The following RANBP2 variants were observed in gnomAD, a reference collection of about 807,000 sequenced individuals.
RANBP2 encodes RAN binding protein 2, also known as E3 SUMO-protein ligase RanBP2.
A neutral mutation model predicts 303.6 loss-of-function variants in RANBP2; 57 were observed. The observed-to-expected ratio is 0.19, with a 90% CI of 0.15 to 0.23. The LOEUF (loss-of-function observed/expected upper bound fraction) is 0.23. Ranked by LOEUF, RANBP2 falls within the 10% of genes least tolerant of loss-of-function variation. The probability of loss-of-function intolerance (pLI) is 1.00; values close to 1 mark genes in which losing one functional copy is unlikely to be tolerated. For synonymous variants in RANBP2, 1,167 were observed against 1,301.5 expected (o/e 0.90, Z 2.23); for missense variants, 3,138 against 3,780.8 (o/e 0.83, Z 4.46).
chr2:109,616,831 GAA>G, the RANBP2 span: 1 of 166,994 alleles, frequency 6.0e-6, no homozygotes, highest in Non-Finnish European at 1.5e-5. Context: ...TATTTAAAGA[GAA>G]CACTTAGCAG....
At chr2:109,614,970 G>T in the RANBP2 span, 5 of 1,536,638 alleles carry the variant, frequency 3.3e-6, no homozygotes, top group Non-Finnish European at 2.6e-6. Context: ...GCGGCGCGAC[G>T]TGCAGCCCCT....
At chr2:109,068,069 C>T in the RANBP2 span, among the ~76,000 whole-genome samples, 8 of 152,260 alleles carry the variant, frequency 5.3e-5, no homozygotes, top group Non-Finnish European at 1.2e-4. Flanking sequence ...GTCACCTCCT[C>T]AGTGAAGCTG....
At chr2:109,127,628 T>G in the RANBP2 span, 3 of 152,254 alleles carry the variant, frequency 2.0e-5, no homozygotes, top group Non-Finnish European at 2.9e-5. Flanking sequence ...GAGGATCTCT[T>G]GAGCCCAGGA....
chr2:108,772,382 G>T, intron 21 of RANBP2, 107 bp from the exon 22 acceptor site: 1 of 815,446 alleles, frequency 1.2e-6, no homozygotes, highest in Non-Finnish European at 2.1e-6. Context: ...AAAATTGGCT[G>T]CAATTCAGAT....
chr2:109,422,837 C>T, the RANBP2 span, among the ~76,000 whole-genome samples: 10 of 152,174 alleles, frequency 6.6e-5, no homozygotes, highest in Admixed American at 4.6e-4. Flanking sequence ...TGTGAAGGAC[C>T]GGAGGAGGCA....
intron 2 of RANBP2, among the ~76,000 whole-genome samples, chr2:108,730,289 C>T (rs1695062785): frequency 6.8e-6 from 1 of 146,206 alleles, no homozygotes; most frequent in Non-Finnish European, 1.5e-5. Flanking sequence ...AGTAATTTTT[C>T]TTCTGTTCGA....
the RANBP2 span, among the ~76,000 whole-genome samples, chr2:109,659,587 GC>G: frequency 6.6e-6 from 1 of 152,210 alleles, no homozygotes; most frequent in African/African-American, 2.4e-5. Flanking sequence ...GGGCTGGACA[GC>G]CCCTGCAGCA....
the RANBP2 span, among the ~76,000 whole-genome samples, chr2:109,462,357 A>C: frequency 6.6e-6 from 1 of 152,128 alleles, no homozygotes; most frequent in African/African-American, 2.4e-5. Flanking sequence ...ATCACTGCAT[A>C]TCAGATACCA....
the RANBP2 span, among the ~76,000 whole-genome samples, chr2:109,148,379 G>GC: frequency 6.6e-6 from 1 of 152,244 alleles, no homozygotes; most frequent in East Asian, 1.9e-4. Flanking sequence ...GAGCTCATGA[G>GC]CCAGCCATCA....
At chr2:109,237,414 T>C in the RANBP2 span, among the ~76,000 whole-genome samples, 1 of 152,140 alleles carries the variant, frequency 6.6e-6, no homozygotes, top group African/African-American at 2.4e-5. Flanking sequence ...TCTTAACAAG[T>C]CTATGGAGAA....
the RANBP2 span, among the ~76,000 whole-genome samples, chr2:109,145,456 GGTCT>G: frequency 6.6e-6 from 1 of 152,116 alleles, no homozygotes; most frequent in African/African-American, 2.4e-5. Flanking sequence ...CTTCACCATT[GGTCT>G]GTCTGTCCGT....
At chr2:109,314,541 A>G in the RANBP2 span, among the ~76,000 whole-genome samples, 4 of 152,240 alleles carry the variant, frequency 2.6e-5, no homozygotes, top group Admixed American at 6.5e-5. Flanking sequence ...GAATAGCACC[A>G]TCAACTAATA....
At chr2:109,190,177 AT>A in the RANBP2 span, among the ~76,000 whole-genome samples, 1,315 of 145,344 alleles carry the variant, frequency 9.0e-3, 14 homozygotes, top group East Asian at 0.041. Context: ...TTGACATCCT[AT>A]TTTTTTTTTT....
the RANBP2 span, among the ~76,000 whole-genome samples, chr2:108,889,329 T>A: frequency 6.6e-6 from 1 of 152,296 alleles, no homozygotes; most frequent in Middle Eastern, 3.4e-3. Context: ...AAGTTTAGTT[T>A]AAATCCAATG....
chr2:108,969,483 A>G, the RANBP2 span, among the ~76,000 whole-genome samples: 1,110 of 152,370 alleles, frequency 7.3e-3, 9 homozygotes, highest in South Asian at 0.028. Context: ...AAAGGCATAC[A>G]GGTCCTGGCC....
chr2:109,363,567 T>C, the RANBP2 span, among the ~76,000 whole-genome samples: 1 of 152,230 alleles, frequency 6.6e-6, no homozygotes, highest in African/African-American at 2.4e-5. Flanking sequence ...GTTGCCTTTC[T>C]TTCTGTAGAT....
chr2:108,940,886 T>C, the RANBP2 span, among the ~76,000 whole-genome samples: 4 of 152,168 alleles, frequency 2.6e-5, no homozygotes, highest in East Asian at 5.8e-4. Flanking sequence ...GTTTATTGAG[T>C]TGTAATTAAC....
At chr2:109,513,075 C>T in the RANBP2 span, among the ~76,000 whole-genome samples, 1 of 152,198 alleles carries the variant, frequency 6.6e-6, no homozygotes, top group East Asian at 1.9e-4. Flanking sequence ...GATGTGCTGC[C>T]CTTCCTGGGG....
At chr2:109,650,319 C>T in the RANBP2 span, among the ~76,000 whole-genome samples, 2 of 152,140 alleles carry the variant, frequency 1.3e-5, no homozygotes, top group Admixed American at 6.5e-5. Context: ...TTAGTCATTG[C>T]AGGAAGCCGC....
Sources: allele counts gnomAD v4.1 joint callset (sites outside exome capture counted in the v4.1 genomes callset), GRCh38; gene constraint gnomAD v4.1.1; transcripts MANE v1.5; gene names NCBI Gene and HGNC (gene_info 2026-07-23, HGNC 2026-07-21).